Variants in POLN observed in about 807,000 individuals in gnomAD.
The protein encoded by POLN is DNA polymerase N.
In POLN, 108 loss-of-function variants were observed where a neutral mutation model predicts 113.5. The ratio of observed to expected loss-of-function variants is 0.95; its 90% CI spans 0.81 to 1.12. The LOEUF (loss-of-function observed/expected upper bound fraction) is 1.12. Ranked by LOEUF, POLN falls within the 50% of genes most tolerant of loss-of-function variation. The pLI, the probability that POLN is intolerant of heterozygous loss-of-function variation, is 0.00. For synonymous variants in POLN, 386 were observed against 391.5 expected, an observed-to-expected ratio of 0.99 and a Z score of 0.17; for missense variants, 1,097 against 1,077.1, an observed-to-expected ratio of 1.02 and a Z score of -0.26.
At chr4:2,183,334 G>C (rs1437409746) in intron 7 of POLN, among the ~76,000 whole-genome samples, 1 of 152,054 alleles carries the variant, frequency 6.6e-6, no homozygotes, top group Non-Finnish European at 1.5e-5. Context: ...ATATGTCCAC[G>C]CAAAGACCTT....
rs192751328 is a variant in POLN at position 2,143,838 on chromosome 4, C to T, written c.1732-12548G>A. Among the ~76,000 whole-genome samples, 337 of 152,162 alleles carry T rather than the reference C, an allele frequency of 2.2e-3. 6 individuals carry two copies. Among genetic ancestry groups the T allele is most frequent in the Admixed American group, 0.02 (309 of 15,280 alleles). On this transcript the variant is annotated intron_variant, in intron 16 of 25. Coordinates refer to ENST00000511885, the MANE Select transcript of POLN (RefSeq NM_181808.4). ...TATATGATCCAACAGTTGACTTGTG[C>T]ACACTTATCCCAGAAAAATAAAGAC...
Position 2,198,558 on chromosome 4 carries a change from C to T in POLN, c.874G>A (p.Asp292Asn). 6.2e-7 allele frequency: 1 copy of T among 1,612,278 alleles called. No homozygotes were observed. Among genetic ancestry groups the T allele is most frequent in the East Asian group, 2.2e-5 (1 of 44,794 alleles). The part of the protein sequence containing the change: ...YIQIEHSAIW[D>N]QEQEAHQQFA... ...TGTTGATGTGCCTCCTGTTCTTGGT[C>T]CCAGATAGCAGAGTGCTCTATTTGA... Residue 292 changes from aspartate (D) to asparagine (N), a missense_variant, in exon 6 of 26, where the codon GAC becomes AAC. Asp to Asn is a conservative substitution (Grantham distance 23). Coordinates refer to ENST00000511885, the MANE Select transcript of POLN (RefSeq NM_181808.4).
At position 2,097,834 on chromosome 4, in the gene POLN, G is replaced by T. The variant is rs148972822; in HGVS notation, c.1983-1901C>A. ...CTGCCTTTTTCTTGATTCAGCATTT[G>T]CTTGGTTGCTGTAAACCTTTGCCTA... On this transcript the variant is annotated intron_variant, in intron 19 of 25. Transcript: ENST00000511885. Among the ~76,000 whole-genome samples, 39 of 152,298 alleles carry T rather than the reference G, an allele frequency of 2.6e-4. No homozygotes were observed. In the East Asian group the frequency reaches 6.8e-3, roughly 26 times the overall value.
chr4:2,202,585 G>A (rs1234495846), intron 5 of POLN, among the ~76,000 whole-genome samples: 3 of 151,874 alleles, frequency 2.0e-5, no homozygotes, highest in South Asian at 2.1e-4. Context: ...TTAGTCAGGC[G>A]TGGTGGCTTG....
At chr4:2,193,485 A>T (rs1733503608) in intron 6 of POLN, among the ~76,000 whole-genome samples, 169 bp from the exon 7 acceptor site, 1 of 152,188 alleles carries the variant, frequency 6.6e-6, no homozygotes, top group Admixed American at 6.5e-5. Context: ...TTTACAGATG[A>T]TGAAAGTGAG....
At chr4:2,159,787 T>A (rs914164225) in intron 13 of POLN, among the ~76,000 whole-genome samples, 1 of 152,196 alleles carries the variant, frequency 6.6e-6, no homozygotes, top group African/African-American at 2.4e-5. Context: ...GTTGGTCCAA[T>A]ATCATTTTTT....
chr4:2,234,497 A>T lies in POLN; in HGVS notation c.-12-5254T>A, dbSNP rs149135709. ...CAAAGGCACGTTTCCTGGGAAAATCAGAACTGGCTCCACCCCACCTTTCCT... is the reference window on the plus strand; with the variant it reads ...CAAAGGCACGTTTCCTGGGAAAATCTGAACTGGCTCCACCCCACCTTTCCT... On this transcript the variant is annotated intron_variant, in intron 2 of 25. Transcript: ENST00000511885. The T allele has an allele frequency of 3.2e-3, 488 of 154,030 alleles. 2 individuals are homozygous for T. Among genetic ancestry groups the T allele is most frequent in the African/African-American group, 0.011 (453 of 41,620 alleles). 9.5% of individuals were successfully genotyped at this position (154,030 alleles called of 1,614,324 possible). A position where few individuals can be genotyped will look rare whatever the true frequency, so the allele number is the denominator to read the frequency against.
intron 13 of POLN, among the ~76,000 whole-genome samples, chr4:2,161,484 C>T (rs1421839368): frequency 6.6e-6 from 1 of 152,252 alleles, no homozygotes; most frequent in Non-Finnish European, 1.5e-5. Context: ...ATTTCTCACC[C>T]GGCCTTAGCT....
chr4:2,148,180 A>C (rs968278844), intron 16 of POLN, among the ~76,000 whole-genome samples: 4 of 152,232 alleles, frequency 2.6e-5, no homozygotes, highest in Admixed American at 6.5e-5. Context: ...ATATTGAACT[A>C]GAGCAATCAG....
intron 16 of POLN, among the ~76,000 whole-genome samples, chr4:2,140,608 A>G (rs953968971): frequency 6.6e-6 from 1 of 151,912 alleles, no homozygotes; most frequent in African/African-American, 2.4e-5. Flanking sequence ...TTAGCCAGGT[A>G]TGGTGGTTGT....
intron 6 of POLN, among the ~76,000 whole-genome samples, chr4:2,194,578 C>A (rs1733530738): frequency 6.6e-6 from 1 of 152,180 alleles, no homozygotes; most frequent in Admixed American, 6.5e-5. Context: ...GAACTGGGGC[C>A]ATGGAGATCA....
intron 19 of POLN, among the ~76,000 whole-genome samples, chr4:2,102,457 C>T (rs2108705406): frequency 6.6e-6 from 1 of 152,318 alleles, no homozygotes; most frequent in East Asian, 1.9e-4. Flanking sequence ...CACAAATGCA[C>T]AGCACTTGGG....
chr4:2,077,231 C>G (rs551662502), intron 23 of POLN, among the ~76,000 whole-genome samples: 1 of 152,228 alleles, frequency 6.6e-6, no homozygotes, highest in Non-Finnish European at 1.5e-5. Flanking sequence ...AGAGGGACTT[C>G]GGTCCTGCTG....
chr4:2,137,506 C>T (rs529704353), intron 16 of POLN, among the ~76,000 whole-genome samples: 11 of 152,198 alleles, frequency 7.2e-5, no homozygotes, highest in Non-Finnish European at 1.6e-4. Flanking sequence ...CTAAGCAGCT[C>T]GTGGAGCCTG....
At chr4:2,133,120 A>G (rs1731765951) in intron 16 of POLN, among the ~76,000 whole-genome samples, 1 of 148,616 alleles carries the variant, frequency 6.7e-6, no homozygotes, top group African/African-American at 2.5e-5. Flanking sequence ...AGCCTGATGT[A>G]AATTTACATG....
chr4:2,121,104 C>T (rs1731428062), intron 19 of POLN, among the ~76,000 whole-genome samples: 1 of 151,906 alleles, frequency 6.6e-6, no homozygotes, highest in African/African-American at 2.4e-5. Context: ...ATAAGTTGTT[C>T]CTGATCTTAG....
rs141239753 is a variant in POLN, at chr4:2,080,044, G to C, written c.2387+914C>G. The C allele has an allele frequency of 3.4e-4, 335 of 985,520 alleles. No individual in the cohort carries two copies. In the African/African-American group the frequency reaches 5.1e-3, roughly 15 times the overall value. 61.0% of individuals were successfully genotyped at this position (985,520 alleles called of 1,614,324 possible). A position where few individuals can be genotyped will look rare whatever the true frequency, so the allele number is the denominator to read the frequency against. The stretch of plus-strand genomic sequence containing the variant: ...GTCGCCAAGAGCTTGAGGGCTCTTA[G>C]GGTGGGGGTGGGAAAACGTCCATGG... On this transcript the variant is annotated intron_variant, in intron 23 of 25. Coordinates refer to ENST00000511885, the MANE Select transcript of POLN (RefSeq NM_181808.4).
intron 19 of POLN, among the ~76,000 whole-genome samples, chr4:2,107,099 T>C (rs1199251387): frequency 6.6e-6 from 1 of 152,142 alleles, no homozygotes. Flanking sequence ...TATATATATT[T>C]TCTTTTTCAT....
chr4:2,097,201 C>T (rs1320139173), intron 19 of POLN, among the ~76,000 whole-genome samples: 1 of 152,184 alleles, frequency 6.6e-6, no homozygotes, highest in Non-Finnish European at 1.5e-5. Flanking sequence ...CAGGCAGCCA[C>T]CAGACTGGTG....
Sources: gnomAD v4.1 joint callset for allele counts (sites outside exome capture counted in the v4.1 genomes callset) on GRCh38, gnomAD v4.1.1 for gene constraint, MANE v1.5 for transcripts, NCBI Gene and HGNC (gene_info 2026-07-23, HGNC 2026-07-21) for gene names.